The following SPOCK1 variants were observed in gnomAD, a reference collection of about 807,000 sequenced individuals.
SPOCK1 encodes SPARC (osteonectin), cwcv and kazal like domains proteoglycan 1.
Under a neutral mutation model 55.3 loss-of-function variants are expected in SPOCK1, and 23 were observed. That is an observed-to-expected ratio of 0.42 (90% confidence interval 0.30 to 0.59). The LOEUF (loss-of-function observed/expected upper bound fraction) is 0.59. Ranked by LOEUF, SPOCK1 falls within the 20% of genes least tolerant of loss-of-function variation. The probability of loss-of-function intolerance (pLI) is 0.22; values close to 1 mark genes in which losing one functional copy is unlikely to be tolerated. For synonymous variants in SPOCK1, 226 were observed against 221.0 expected (o/e 1.02, Z -0.20); for missense variants, 499 against 552.5 (o/e 0.90, Z 0.97).
rs151151847 is a variant in SPOCK1 at position 137,201,474 on chromosome 5, T to A, written c.233-60780A>T. On this transcript the variant is annotated intron_variant, in intron 3 of 10. Transcript: ENST00000394945. ...TTAATAATGTGCTTCATTCCTGTTA[T>A]GCTTCAGAAACAAAGCCACCGTAAC... Among the ~76,000 whole-genome samples, 119 of 152,346 alleles carry A rather than the reference T, an allele frequency of 7.8e-4. 1 individual carries two copies. In the East Asian group the frequency reaches 0.021, roughly 27 times the overall value.
At chr5:137,225,413 A>C (rs922313316) in intron 3 of SPOCK1, among the ~76,000 whole-genome samples, 2 of 152,194 alleles carry the variant, frequency 1.3e-5, no homozygotes, top group African/African-American at 4.8e-5. Context: ...CAAAATTGTT[A>C]GCTATTGTCA....
intron 9 of SPOCK1, among the ~76,000 whole-genome samples, chr5:136,980,853 T>C (rs1203084673): frequency 2.0e-5 from 3 of 152,198 alleles, no homozygotes; most frequent in Non-Finnish European, 4.4e-5. Flanking sequence ...GAATCTCTTT[T>C]TTGAAGAATT....
chr5:137,437,230 T>C (rs1752884044), intron 2 of SPOCK1, among the ~76,000 whole-genome samples: 1 of 117,490 alleles, frequency 8.5e-6, no homozygotes, highest in African/African-American at 3.1e-5. Flanking sequence ...AAAGTCCTTC[T>C]AGGGAACTTC....
chr5:137,088,919 C>A (rs1327013376), intron 5 of SPOCK1, among the ~76,000 whole-genome samples: 1 of 152,166 alleles, frequency 6.6e-6, no homozygotes, highest in African/African-American at 2.4e-5. Flanking sequence ...GGTTAAGAAA[C>A]AGGTTTAGAA....
At chr5:137,242,445 C>T (rs1289313597) in intron 3 of SPOCK1, among the ~76,000 whole-genome samples, 1 of 152,166 alleles carries the variant, frequency 6.6e-6, no homozygotes, top group Non-Finnish European at 1.5e-5. Flanking sequence ...CGCCTTCTGC[C>T]ATGATGGTGA....
At chr5:137,177,517 T>C (rs1435475449) in intron 3 of SPOCK1, among the ~76,000 whole-genome samples, 4 of 152,082 alleles carry the variant, frequency 2.6e-5, no homozygotes, top group East Asian at 3.9e-4. Context: ...GTGGGAATCA[T>C]GCAGTCGTGG....
At chr5:137,286,766 C>T (rs1262612038) in intron 2 of SPOCK1, among the ~76,000 whole-genome samples, 1 of 152,124 alleles carries the variant, frequency 6.6e-6, no homozygotes, top group Non-Finnish European at 1.5e-5. Flanking sequence ...GAACAAAGTT[C>T]CCCCAACAAC....
chr5:137,332,617 A>G (rs1758208425), intron 2 of SPOCK1, among the ~76,000 whole-genome samples: 1 of 152,264 alleles, frequency 6.6e-6, no homozygotes, highest in African/African-American at 2.4e-5. Context: ...CGTTTTGTGC[A>G]GATAGCAAAG....
intron 2 of SPOCK1, among the ~76,000 whole-genome samples, chr5:137,397,901 A>G (rs771873810): frequency 1.3e-5 from 2 of 152,218 alleles, no homozygotes; most frequent in South Asian, 2.1e-4. Flanking sequence ...TACACTCAGC[A>G]TATACTTGAT....
chr5:137,054,770 C>T (rs1752271593), intron 6 of SPOCK1, among the ~76,000 whole-genome samples: 1 of 152,098 alleles, frequency 6.6e-6, no homozygotes, highest in Non-Finnish European at 1.5e-5. Context: ...TTAAGTATTG[C>T]TCTAATTAAA....
chr5:137,092,209 C>A (rs1048710545), intron 5 of SPOCK1, among the ~76,000 whole-genome samples: 1 of 152,196 alleles, frequency 6.6e-6, no homozygotes, highest in Non-Finnish European at 1.5e-5. Flanking sequence ...CTGGAGTATA[C>A]AGACATTAAA....
At chr5:137,339,819 G>C (rs753802578) in intron 2 of SPOCK1, among the ~76,000 whole-genome samples, 18 of 152,162 alleles carry the variant, frequency 1.2e-4, no homozygotes, top group Non-Finnish European at 2.1e-4. Context: ...CTATAGAAAA[G>C]ATGCTCTGAA....
At chr5:137,386,627 A>G (rs755773068) in intron 2 of SPOCK1, among the ~76,000 whole-genome samples, 2 of 152,208 alleles carry the variant, frequency 1.3e-5, no homozygotes. Flanking sequence ...AGAAAAAATC[A>G]CAGACTTTAC....
At chr5:137,205,328 T>C (rs1308881519) in intron 3 of SPOCK1, among the ~76,000 whole-genome samples, 2 of 152,174 alleles carry the variant, frequency 1.3e-5, no homozygotes, top group African/African-American at 4.8e-5. Flanking sequence ...TGCACGTCAG[T>C]GAAAGGAAGC....
intron 2 of SPOCK1, among the ~76,000 whole-genome samples, chr5:137,415,612 T>A: frequency 6.6e-6 from 1 of 152,222 alleles, no homozygotes; most frequent in Admixed American, 6.5e-5. Flanking sequence ...TCCAGAAGCG[T>A]GATTCCAATA....
intron 3 of SPOCK1, among the ~76,000 whole-genome samples, chr5:137,155,812 G>T (rs1754405531): frequency 6.6e-6 from 1 of 152,186 alleles, no homozygotes; most frequent in Non-Finnish European, 1.5e-5. Context: ...CTCTTTGTGG[G>T]CTGTGTCCAA....
chr5:137,034,745 T>A (rs1751848092), intron 6 of SPOCK1, among the ~76,000 whole-genome samples: 1 of 152,150 alleles, frequency 6.6e-6, no homozygotes, highest in Non-Finnish European at 1.5e-5. Flanking sequence ...TAAGGAAATA[T>A]TCAGTCCAAA....
chr5:137,116,735 C>T (rs1271154418), intron 4 of SPOCK1, among the ~76,000 whole-genome samples: 1 of 152,188 alleles, frequency 6.6e-6, no homozygotes, highest in Non-Finnish European at 1.5e-5. Context: ...CCTACCTTCA[C>T]AGGCTCCCTG....
In SPOCK1 at chr5:137,171,456, C is replaced by T. The variant is rs1490256075; in HGVS notation, c.233-30762G>A. Among the ~76,000 whole-genome samples, 3 of 152,112 alleles carry T rather than the reference C, an allele frequency of 2.0e-5. No homozygotes were observed. The East Asian group carries it at 5.8e-4, about 29-fold the overall frequency. ...TGAGAAGCGACCTTCTTGAAGCCACCACATGAAAGGGCCAGCCACGCTACC... is the reference window on the plus strand; with the variant it reads ...TGAGAAGCGACCTTCTTGAAGCCACTACATGAAAGGGCCAGCCACGCTACC... On this transcript the variant is annotated intron_variant, in intron 3 of 10. Coordinates refer to ENST00000394945, the MANE Select transcript of SPOCK1 (RefSeq NM_004598.4).
Sources: gnomAD v4.1 joint callset for allele counts (sites outside exome capture counted in the v4.1 genomes callset) on GRCh38, gnomAD v4.1.1 for gene constraint, MANE v1.5 for transcripts, NCBI Gene and HGNC (gene_info 2026-07-23, HGNC 2026-07-21) for gene names.